Variants in MID1 observed in about 807,000 individuals in gnomAD.
MID1 encodes midline 1, also known as E3 ubiquitin-protein ligase Midline-1.
Under a neutral mutation model 40.4 loss-of-function variants are expected in MID1, and 7 were observed. That is an observed-to-expected ratio of 0.17 (90% confidence interval 0.10 to 0.33). The LOEUF is 0.33. Ranked by LOEUF, MID1 falls within the 10% of genes least tolerant of loss-of-function variation. The pLI, the probability that MID1 is intolerant of heterozygous loss-of-function variation, is 1.00. For missense variants in MID1, 367 were observed against 558.5 expected (o/e 0.66, Z 3.46); for synonymous variants, 229 against 221.2 (o/e 1.04, Z -0.31).
chrX:10,772,554 C>T (rs1438461071), intron 1 of MID1, among the ~76,000 whole-genome samples: 1 of 105,193 alleles, frequency 9.5e-6, no homozygotes, highest in Admixed American at 1.0e-4. Context: ...CCCTGAATAA[C>T]CCATGGAAAT....
intron 1 of MID1, among the ~76,000 whole-genome samples, chrX:10,583,931 T>C (rs1935076282): frequency 9.1e-6 from 1 of 109,674 alleles, no homozygotes. Flanking sequence ...CTCGGGAGGC[T>C]GAGGCAGGAG....
At chrX:10,590,871 G>A (rs934676970) in intron 1 of MID1, among the ~76,000 whole-genome samples, 27 of 111,860 alleles carry the variant, frequency 2.4e-4, no homozygotes, top group African/African-American at 8.5e-4. Context: ...TGACTTAAGA[G>A]TTTTTTGTTG....
At chrX:10,746,399 AT>A (rs2043557057) in intron 1 of MID1, among the ~76,000 whole-genome samples, 1 of 112,059 alleles carries the variant, frequency 8.9e-6, no homozygotes, top group African/African-American at 3.2e-5. Context: ...GTGGGTTTCT[AT>A]TTCCAAGGTT....
intron 1 of MID1, among the ~76,000 whole-genome samples, chrX:10,787,160 C>G (rs2043891724): frequency 9.1e-6 from 1 of 110,346 alleles, no homozygotes; most frequent in South Asian, 3.9e-4. Flanking sequence ...CAATAACCTA[C>G]CATTTATTAG....
At chrX:10,755,622 A>G (rs144696347) in intron 1 of MID1, among the ~76,000 whole-genome samples, 1 of 112,309 alleles carries the variant, frequency 8.9e-6, no homozygotes, top group Non-Finnish European at 1.9e-5. Flanking sequence ...ATAAAAGCTC[A>G]GGTGGCAGCT....
rs1467791761 is a variant in MID1 at position 10,449,031 on chromosome X, T to C, written c.*337A>G. On this transcript the variant is annotated 3_prime_UTR_variant, in exon 10 of 10. Coordinates refer to ENST00000317552, the MANE Select transcript of MID1 (RefSeq NM_000381.4). ...TTTTTTGTAAGCCCACAGATTGTGA[T>C]GAAATGAAGGTTGTAAATAGCTGAT... The C allele has an allele frequency of 1.0e-5, 2 of 198,777 alleles. No individual in the cohort carries two copies. Among genetic ancestry groups the C allele is most frequent in the Non-Finnish European group, 1.8e-5 (2 of 109,161 alleles). 16.4% of individuals were successfully genotyped at this position (198,777 alleles called of 1,213,427 possible). A position where few individuals can be genotyped will look rare whatever the true frequency, so the allele number is the denominator to read the frequency against.
chrX:10,551,391 G>A (rs1473398542), intron 2 of MID1, among the ~76,000 whole-genome samples: 1 of 112,240 alleles, frequency 8.9e-6, no homozygotes, highest in African/African-American at 3.2e-5. Flanking sequence ...AATTCAAATG[G>A]TCTCTTTATA....
intron 1 of MID1, among the ~76,000 whole-genome samples, chrX:10,685,534 C>T (rs1354168471): frequency 8.9e-6 from 1 of 111,781 alleles, no homozygotes; most frequent in African/African-American, 3.3e-5. Context: ...CACCCCCATT[C>T]CAGAGAGGGT....
intron 1 of MID1, among the ~76,000 whole-genome samples, chrX:10,716,606 T>C (rs1345410535): frequency 1.8e-5 from 2 of 111,866 alleles, no homozygotes; most frequent in Non-Finnish European, 3.8e-5. Context: ...TGGAACCAAG[T>C]TGGAAAACAC....
chrX:10,776,501 T>C (rs1057424188), intron 1 of MID1, among the ~76,000 whole-genome samples: 1 of 112,225 alleles, frequency 8.9e-6, no homozygotes, highest in African/African-American at 3.2e-5. Flanking sequence ...AATGCTACTT[T>C]GGGGTTACAT....
At chrX:10,730,032 C>T (rs1170176316) in intron 1 of MID1, among the ~76,000 whole-genome samples, 2 of 105,544 alleles carry the variant, frequency 1.9e-5, no homozygotes, top group African/African-American at 6.9e-5. Flanking sequence ...TGCAGTGAGC[C>T]GAGATAGTGC....
At chrX:10,488,851 G>A (rs1172157708) in intron 4 of MID1, among the ~76,000 whole-genome samples, 1 of 111,464 alleles carries the variant, frequency 9.0e-6, no homozygotes, top group Admixed American at 9.5e-5. Flanking sequence ...TCCTGCCCTC[G>A]AACATCGGAC....
At chrX:10,664,562 T>A (rs2042937912) in intron 1 of MID1, among the ~76,000 whole-genome samples, 1 of 112,542 alleles carries the variant, frequency 8.9e-6, no homozygotes, top group Non-Finnish European at 1.9e-5. Flanking sequence ...CTATGAACAT[T>A]CATATACATG....
chrX:10,611,169 C>CA (rs1290396614), intron 1 of MID1, among the ~76,000 whole-genome samples: 1 of 111,824 alleles, frequency 8.9e-6, no homozygotes. Flanking sequence ...ACATGTGCAC[C>CA]AAAAAGCGTT....
chrX:10,723,849 GTTTC>G (rs1207788639), intron 1 of MID1, among the ~76,000 whole-genome samples: 2 of 112,779 alleles, frequency 1.8e-5, no homozygotes, highest in African/African-American at 6.4e-5. Flanking sequence ...TAAAGATGTA[GTTTC>G]TTACTTCATT....
At chrX:10,547,465 G>C (rs1422693763) in intron 2 of MID1, among the ~76,000 whole-genome samples, 7 of 106,298 alleles carry the variant, frequency 6.6e-5, no homozygotes, top group Non-Finnish European at 9.7e-5. Flanking sequence ...CTAGCTACTC[G>C]GGAAGGCTGA....
chrX:10,593,799 ACACAC>A (rs1281109955), intron 1 of MID1, among the ~76,000 whole-genome samples: 1 of 106,640 alleles, frequency 9.4e-6, no homozygotes, highest in Non-Finnish European at 1.9e-5. Context: ...ACACACACAC[ACACAC>A]CACTTTTTCT....
intron 1 of MID1, among the ~76,000 whole-genome samples, chrX:10,687,385 C>G (rs1329056550): frequency 8.9e-6 from 1 of 112,158 alleles, no homozygotes; most frequent in Non-Finnish European, 1.9e-5. Context: ...GTGATTTTCT[C>G]AAACAACTGT....
chrX:10,726,922 G>A (rs926872316), intron 1 of MID1, among the ~76,000 whole-genome samples: 5 of 112,255 alleles, frequency 4.5e-5, no homozygotes, highest in African/African-American at 6.5e-5. Context: ...TGCCTGTGGC[G>A]TATGACAAAG....
Sources: allele counts gnomAD v4.1 joint callset (sites outside exome capture counted in the v4.1 genomes callset), GRCh38; gene constraint gnomAD v4.1.1; transcripts MANE v1.5; gene names NCBI Gene and HGNC (gene_info 2026-07-23, HGNC 2026-07-21).